PHACTR1: variants seen among roughly 807,000 people sequenced by gnomAD.
PHACTR1 encodes phosphatase and actin regulator 1, also known as RPEL repeat containing 1.
Under a neutral mutation model 69.2 loss-of-function variants are expected in PHACTR1, and 16 were observed. The ratio of observed to expected loss-of-function variants is 0.23; its 90% confidence interval spans 0.16 to 0.35. The LOEUF is 0.35. Ranked by LOEUF, PHACTR1 falls within the 10% of genes least tolerant of loss-of-function variation. The pLI is 1.00. For synonymous variants in PHACTR1, 312 were observed against 284.5 expected (o/e 1.10, Z -0.97); for missense variants, 510 against 734.7 (o/e 0.69, Z 3.54).
At chr6:12,937,043 G>A (rs957877857) in intron 4 of PHACTR1, among the ~76,000 whole-genome samples, 1 of 151,916 alleles carries the variant, frequency 6.6e-6, no homozygotes, top group African/African-American at 2.4e-5. Flanking sequence ...TTCAGGCCCC[G>A]GTCTTATTTT....
chr6:13,269,651 T>C (rs982184939), intron 10 of PHACTR1, among the ~76,000 whole-genome samples: 53 of 152,178 alleles, frequency 3.5e-4, no homozygotes, highest in African/African-American at 9.2e-4. Context: ...GCCAACATGG[T>C]GAAACCCTGT....
chr6:12,755,127 T>C (rs767984888), intron 4 of PHACTR1, among the ~76,000 whole-genome samples: 1 of 152,230 alleles, frequency 6.6e-6, no homozygotes, highest in Non-Finnish European at 1.5e-5. Context: ...ATCATTATTA[T>C]TTTTAAACAT....
chr6:13,156,316 T>C (rs1207208485), intron 5 of PHACTR1, among the ~76,000 whole-genome samples: 1 of 152,238 alleles, frequency 6.6e-6, no homozygotes, highest in East Asian at 1.9e-4. Context: ...AAATAAGCCA[T>C]CTCTTTCCAG....
At chr6:12,904,916 T>C (rs764451456) in intron 4 of PHACTR1, among the ~76,000 whole-genome samples, 1 of 152,150 alleles carries the variant, frequency 6.6e-6, no homozygotes, top group Non-Finnish European at 1.5e-5. Flanking sequence ...GTCCCTGGCA[T>C]GCAGTGAGCA....
intron 4 of PHACTR1, among the ~76,000 whole-genome samples, chr6:12,844,735 A>T (rs1779032252): frequency 6.6e-6 from 1 of 152,132 alleles, no homozygotes; most frequent in Non-Finnish European, 1.5e-5. Context: ...TAGGAAGGAA[A>T]GAATTAAAGG....
chr6:12,984,737 G>GGGTC (rs1795925285), intron 4 of PHACTR1, among the ~76,000 whole-genome samples: 1 of 151,854 alleles, frequency 6.6e-6, no homozygotes, highest in Middle Eastern at 3.2e-3. Context: ...GGGAGAGGAT[G>GGGTC]GGTCCTGTTG....
At chr6:13,013,560 T>C (rs1799691080) in intron 4 of PHACTR1, among the ~76,000 whole-genome samples, 1 of 152,170 alleles carries the variant, frequency 6.6e-6, no homozygotes, top group South Asian at 2.1e-4. Context: ...TCTCAGTAGC[T>C]GGTGCTGAGA....
At chr6:13,277,120 C>T (rs746914041) in intron 11 of PHACTR1, among the ~76,000 whole-genome samples, 2 of 152,140 alleles carry the variant, frequency 1.3e-5, no homozygotes, top group Non-Finnish European at 2.9e-5. Context: ...GGAATTCTTC[C>T]AAGGTTCAGA....
chr6:12,903,088 C>T (rs963530424), intron 4 of PHACTR1, among the ~76,000 whole-genome samples: 17 of 152,148 alleles, frequency 1.1e-4, no homozygotes, highest in African/African-American at 3.9e-4. Context: ...AGCGAGGGTC[C>T]TGCAGCCAGA....
At position 13,019,070 on chromosome 6, in the gene PHACTR1, A is replaced by ATG. The variant is rs10635069; in HGVS notation, c.251-34294_251-34293insGT. Among the ~76,000 whole-genome samples, 341 of 142,720 alleles carry ATG rather than the reference A, an allele frequency of 2.4e-3. 3 individuals carry two copies. Among genetic ancestry groups the ATG allele is most frequent in the African/African-American group, 8.4e-3 (324 of 38,484 alleles). 93.6% of individuals were successfully genotyped at this position (142,720 alleles called of 152,430 possible). ...ACAGTTGAAATATATATATATATAT[A>ATG]TATATTTTTTCTTTTTCTTTTTGTA... On this transcript the variant is annotated intron_variant, in intron 4 of 14. Coordinates refer to ENST00000332995, the MANE Select transcript of PHACTR1 (RefSeq NM_030948.6).
intron 4 of PHACTR1, among the ~76,000 whole-genome samples, chr6:13,045,169 T>G (rs1489734506): frequency 6.6e-6 from 1 of 152,198 alleles, no homozygotes; most frequent in Non-Finnish European, 1.5e-5. Flanking sequence ...AGCATGTGTT[T>G]CTCTTCTTTC....
intron 4 of PHACTR1, chr6:12,957,471 C>T: frequency 1.0e-6 from 1 of 985,418 alleles, no homozygotes; most frequent in Non-Finnish European, 1.2e-6. Context: ...CAACCGGTTG[C>T]CTCCAATGTC....
At chr6:13,170,297 A>G (rs564418196) in intron 6 of PHACTR1, among the ~76,000 whole-genome samples, 88 of 152,314 alleles carry the variant, frequency 5.8e-4, no homozygotes, top group African/African-American at 2.0e-3. Context: ...AAGTATTGCA[A>G]GTACAGTCAC....
chr6:13,238,997 TATC>T (rs993593819), intron 10 of PHACTR1, among the ~76,000 whole-genome samples: 1 of 152,144 alleles, frequency 6.6e-6, no homozygotes, highest in African/African-American at 2.4e-5. Flanking sequence ...TGTGCGCCAT[TATC>T]ATCACCATCA....
chr6:13,001,385 A>C (rs1403308451), intron 4 of PHACTR1, among the ~76,000 whole-genome samples: 2 of 152,234 alleles, frequency 1.3e-5, no homozygotes, highest in Non-Finnish European at 2.9e-5. Flanking sequence ...ACCAAAAGAT[A>C]GTGCAGAGGG....
chr6:12,952,533 CT>C (rs1432797344), intron 4 of PHACTR1, among the ~76,000 whole-genome samples: 1 of 152,178 alleles, frequency 6.6e-6, no homozygotes, highest in Non-Finnish European at 1.5e-5. Flanking sequence ...TCCTTCATGT[CT>C]TTTCACGGCT....
chr6:12,947,111 G>A (rs1790767135), intron 4 of PHACTR1, among the ~76,000 whole-genome samples: 5 of 151,806 alleles, frequency 3.3e-5, no homozygotes, highest in Admixed American at 3.3e-4. Context: ...CCCGGCCGAT[G>A]GTGCTGGATT....
intron 5 of PHACTR1, among the ~76,000 whole-genome samples, chr6:13,152,699 A>G (rs562905807): frequency 1.0e-3 from 158 of 152,348 alleles, no homozygotes; most frequent in Admixed American, 6.4e-3. Context: ...GGTGTGTTTT[A>G]AACTGGAGAT....
At chr6:13,244,999 T>A (rs963755211) in intron 10 of PHACTR1, among the ~76,000 whole-genome samples, 1 of 152,232 alleles carries the variant, frequency 6.6e-6, no homozygotes, top group African/African-American at 2.4e-5. Flanking sequence ...GGGGAACTAA[T>A]AAATGTCCGT....
Sources: allele counts gnomAD v4.1 joint callset (sites outside exome capture counted in the v4.1 genomes callset), GRCh38; gene constraint gnomAD v4.1.1; transcripts MANE v1.5; gene names NCBI Gene and HGNC (gene_info 2026-07-23, HGNC 2026-07-21).